PITPNB: variants seen among roughly 807,000 people sequenced by gnomAD.
PITPNB encodes phosphatidylinositol transfer protein beta isoform.
In PITPNB, 16 loss-of-function variants were observed where a neutral mutation model predicts 45.9. That is an observed-to-expected ratio of 0.35 (90% CI 0.24 to 0.53). The LOEUF (loss-of-function observed/expected upper bound fraction) is 0.53. Among genes scored for constraint, PITPNB ranks in the 20% least tolerant of loss-of-function variants. The pLI, the probability that PITPNB is intolerant of heterozygous loss-of-function variation, is 0.93. For missense variants in PITPNB, 188 were observed against 330.5 expected, an observed-to-expected ratio of 0.57 and a Z score of 3.34; for synonymous variants, 112 against 108.9, an observed-to-expected ratio of 1.03 and a Z score of -0.18.
intron 8 of PITPNB, among the ~76,000 whole-genome samples, chr22:27,868,779 G>T (rs996915514): frequency 3.3e-5 from 5 of 152,096 alleles, no homozygotes; most frequent in Admixed American, 1.3e-4. Context: ...ATATTCCAAA[G>T]TTCAGAGCTC....
chr22:27,864,034 A>AT (rs1019281971), intron 8 of PITPNB, among the ~76,000 whole-genome samples: 10 of 152,196 alleles, frequency 6.6e-5, no homozygotes, highest in African/African-American at 2.4e-4. Flanking sequence ...ACAAGTAATT[A>AT]TTTTTTTAAA....
intron 8 of PITPNB, among the ~76,000 whole-genome samples, chr22:27,873,058 G>A (rs546710561): frequency 2.6e-5 from 4 of 152,210 alleles, no homozygotes; most frequent in East Asian, 3.9e-4. Flanking sequence ...ACCTGAGGTC[G>A]GGAGTTCGAG....
At chr22:27,862,612 T>C (rs998092295) in intron 8 of PITPNB, among the ~76,000 whole-genome samples, 18 of 152,192 alleles carry the variant, frequency 1.2e-4, no homozygotes, top group African/African-American at 3.6e-4. Context: ...CGTTTCCCCC[T>C]TAAAACAGAG....
intron 7 of PITPNB, among the ~76,000 whole-genome samples, chr22:27,885,824 C>T (rs550478687): frequency 6.6e-6 from 1 of 152,252 alleles, no homozygotes; most frequent in East Asian, 1.9e-4. Flanking sequence ...TTTTATAATA[C>T]TAGACAGAAA....
At chr22:27,858,316 T>C in intron 10 of PITPNB, 71 bp downstream of exon 10, 2 of 1,186,528 alleles carry the variant, frequency 1.7e-6, no homozygotes, top group Non-Finnish European at 2.4e-6. Context: ...TCTAACTCTG[T>C]ATTTACCAAG....
intron 11 of PITPNB, among the ~76,000 whole-genome samples, chr22:27,854,636 T>C (rs932160096): frequency 3.3e-5 from 5 of 152,206 alleles, no homozygotes; most frequent in African/African-American, 9.6e-5. Context: ...CCCATAACAC[T>C]AAAAACTAAC....
chr22:27,910,689 T>TA, intron 3 of PITPNB: 1 of 293,962 alleles, frequency 3.4e-6, no homozygotes, highest in East Asian at 5.9e-5. Context: ...TCTAGAAAGA[T>TA]AAACTCTAAG....
Position 27,919,201 on chromosome 22 carries a change from A to AC in PITPNB, c.-11dup, listed in dbSNP as rs1333679641. The stretch of plus-strand genomic sequence containing the variant: ...CCTTGATCAGCACCATCTTCCCGGA[A>AC]CCCCCTCACAGCTGCCGCCGATACC... On this transcript the variant is annotated 5_prime_UTR_variant, in exon 1 of 12. Transcript: ENST00000335272. The AC allele has an allele frequency of 6.2e-7, 1 of 1,608,598 alleles. No homozygotes were observed. Among genetic ancestry groups the AC allele is most frequent in the Non-Finnish European group, 8.5e-7 (1 of 1,178,218 alleles).
chr22:27,907,975 A>G (rs993230350), intron 3 of PITPNB, among the ~76,000 whole-genome samples: 1 of 145,930 alleles, frequency 6.9e-6, no homozygotes, highest in Non-Finnish European at 1.5e-5. Context: ...AATGTGCTGG[A>G]AGGTTGGCCA....
In PITPNB at chr22:27,853,435, T is replaced by C. The variant is rs904299287; in HGVS notation, c.*267A>G. The C allele has an allele frequency of 6.7e-6, 4 of 592,656 alleles. No individual in the cohort carries two copies. The highest frequency in any genetic ancestry group is 9.1e-6 in the Non-Finnish European group (3 of 330,266). The allele number at this position is 592,656 out of a possible 1,614,324, so 36.7% of individuals were successfully genotyped here. On this transcript the variant is annotated 3_prime_UTR_variant, in exon 12 of 12. Coordinates refer to ENST00000335272, the MANE Select transcript of PITPNB (RefSeq NM_012399.5). ...TCCCTTCAGTATGTCTGTATGTACA[T>C]ATATACACAAGTGTGTGTATCTGGA...
chr22:27,877,082 T>C (rs1285992346), intron 7 of PITPNB, among the ~76,000 whole-genome samples: 2 of 152,232 alleles, frequency 1.3e-5, no homozygotes, highest in Non-Finnish European at 2.9e-5. Context: ...GAGAGCAAAT[T>C]CACCAGGCCA....
intron 8 of PITPNB, among the ~76,000 whole-genome samples, chr22:27,865,816 T>C (rs1403986053): frequency 1.3e-5 from 2 of 152,164 alleles, no homozygotes; most frequent in African/African-American, 4.8e-5. Context: ...TGTGTTTACC[T>C]ACATAACAAA....
intron 7 of PITPNB, among the ~76,000 whole-genome samples, chr22:27,887,301 G>C (rs1168221048): frequency 6.6e-6 from 1 of 152,176 alleles, no homozygotes; most frequent in East Asian, 1.9e-4. Context: ...AAAAACGCAG[G>C]TTCTAGCTAC....
intron 6 of PITPNB, among the ~76,000 whole-genome samples, chr22:27,894,934 G>A (rs1935392870): frequency 6.6e-6 from 1 of 152,084 alleles, no homozygotes; most frequent in Admixed American, 6.6e-5. Flanking sequence ...AAATATACGA[G>A]ACCTATGCTT....
At chr22:27,901,731 A>G (rs1383230966) in intron 3 of PITPNB, among the ~76,000 whole-genome samples, 1 of 152,072 alleles carries the variant, frequency 6.6e-6, no homozygotes, top group Non-Finnish European at 1.5e-5. Context: ...TAAAAACACA[A>G]AAATTAGCTG....
chr22:27,864,550 TATTA>T (rs1050559534), intron 8 of PITPNB, among the ~76,000 whole-genome samples: 8 of 152,200 alleles, frequency 5.3e-5, no homozygotes, highest in Non-Finnish European at 2.9e-5. Flanking sequence ...AATCTGGACT[TATTA>T]ATTATTAACT....
chr22:27,879,442 G>A (rs1191558131), intron 7 of PITPNB, among the ~76,000 whole-genome samples: 2 of 152,186 alleles, frequency 1.3e-5, no homozygotes, highest in African/African-American at 2.4e-5. Context: ...GGGCTAGTGA[G>A]CTGCCTTAAG....
intron 7 of PITPNB, among the ~76,000 whole-genome samples, chr22:27,886,854 T>C (rs1405483646): frequency 6.6e-6 from 1 of 152,164 alleles, no homozygotes; most frequent in Non-Finnish European, 1.5e-5. Context: ...TAAAAGCAAG[T>C]AATATGAAAG....
chr22:27,854,806 A>G, intron 11 of PITPNB, 48 bp downstream of exon 11: 1 of 1,170,760 alleles, frequency 8.5e-7, no homozygotes, highest in Non-Finnish European at 1.3e-6. Context: ...GCCCATCACC[A>G]AAAAGGTACA....
Sources: gnomAD v4.1 joint callset for allele counts (sites outside exome capture counted in the v4.1 genomes callset) on GRCh38, gnomAD v4.1.1 for gene constraint, MANE v1.5 for transcripts, NCBI Gene and HGNC (gene_info 2026-07-23, HGNC 2026-07-21) for gene names.